PIK3C2A: variants seen among roughly 807,000 people sequenced by gnomAD.
The protein encoded by PIK3C2A is phosphatidylinositol-4-phosphate 3-kinase catalytic subunit type 2 alpha, also known as phosphatidylinositol 4-phosphate 3-kinase C2 domain-containing subunit alpha.
A neutral mutation model predicts 204.5 loss-of-function variants in PIK3C2A; 97 were observed. The observed-to-expected ratio is 0.47, with a 90% CI of 0.40 to 0.56. The LOEUF (loss-of-function observed/expected upper bound fraction) is 0.56. Ranked by LOEUF, PIK3C2A falls within the 20% of genes least tolerant of loss-of-function variation. PIK3C2A has a pLI of 0.00. For missense variants in PIK3C2A, 1,735 were observed against 1,969.2 expected (o/e 0.88, Z 2.25); for synonymous variants, 653 against 664.4 (o/e 0.98, Z 0.26).
At position 17,200,999 on chromosome 11, in the gene PIK3C2A, A is replaced by G. The variant is rs532739145; in HGVS notation, c.-66+6849T>C. On this transcript the variant is annotated intron_variant, in intron 1 of 32. Transcript: ENST00000691414. Reference sequence around the variant, plus strand: ...TGTGGGCGGATCACTTCAGGTCAGGAGTTCAAGACCAGCCTGGCCAACATG... The same window carrying G: ...TGTGGGCGGATCACTTCAGGTCAGGGGTTCAAGACCAGCCTGGCCAACATG... 2.7e-5 allele frequency among the ~76,000 whole-genome samples: 4 copies of G among 150,508 alleles called. No homozygotes were observed. The South Asian group carries it at 8.3e-4, about 31-fold the overall frequency.
chr11:17,181,659 TACACAC>T (rs71047535), intron 1 of PIK3C2A, among the ~76,000 whole-genome samples: 10 of 113,144 alleles, frequency 8.8e-5, no homozygotes, highest in South Asian at 3.0e-4. Context: ...TATATATATA[TACACAC>T]ACACACACAC....
At chr11:17,099,561 A>AG (rs1848555353) in intron 26 of PIK3C2A, among the ~76,000 whole-genome samples, 1 of 152,228 alleles carries the variant, frequency 6.6e-6, no homozygotes, top group African/African-American at 2.4e-5. Flanking sequence ...AAAAAATTAA[A>AG]AAAGATTTTA....
intron 27 of PIK3C2A, among the ~76,000 whole-genome samples, chr11:17,094,778 T>C (rs1286330375): frequency 6.6e-6 from 1 of 152,152 alleles, no homozygotes; most frequent in Non-Finnish European, 1.5e-5. Flanking sequence ...CAAAAAAACC[T>C]CCTTTCCTGA....
Position 17,122,815 on chromosome 11 carries a change from T to G in PIK3C2A, c.2400-2A>C. The G allele has an allele frequency of 8.9e-7, 1 of 1,126,590 alleles. No individual in the cohort carries two copies. Among genetic ancestry groups the G allele is most frequent in the African/African-American group, 1.6e-5 (1 of 64,032 alleles). 69.8% of individuals were successfully genotyped at this position (1,126,590 alleles called of 1,614,324 possible). ...AGTTTAGTTCCACATGTTAAAAACC[T>G]TCACGGATGTAAAAATAATAATGTG... On this transcript the variant is annotated splice_acceptor_variant, in intron 13 of 32. Transcript: ENST00000691414. LOFTEE classifies it high-confidence loss of function.
At chr11:17,138,199 AT>A in intron 8 of PIK3C2A, 7 of 961,250 alleles carry the variant, frequency 7.3e-6, no homozygotes, top group Non-Finnish European at 1.1e-5. Flanking sequence ...CCACATGCAG[AT>A]TTTGGTGCTT....
chr11:17,193,441 T>C (rs1852008368), intron 1 of PIK3C2A: 5 of 346,416 alleles, frequency 1.4e-5, no homozygotes, highest in Non-Finnish European at 2.8e-5. Context: ...TTGCTGAATA[T>C]AGCTTCCGGT....
At chr11:17,102,593 C>G in intron 24 of PIK3C2A, 69 bp downstream of exon 24, 1 of 1,322,716 alleles carries the variant, frequency 7.6e-7, no homozygotes, top group Non-Finnish European at 1.1e-6. Flanking sequence ...AAACACAAAG[C>G]TTGAGACAAA....
At chr11:17,123,454 TC>T (rs1425891888) in intron 13 of PIK3C2A, among the ~76,000 whole-genome samples, 4 of 150,560 alleles carry the variant, frequency 2.7e-5, no homozygotes. Context: ...AGAAGGGGTT[TC>T]GCCATGTTGC....
chr11:17,172,230 C>T (rs1851196548), intron 1 of PIK3C2A, among the ~76,000 whole-genome samples: 1 of 152,184 alleles, frequency 6.6e-6, no homozygotes, highest in Non-Finnish European at 1.5e-5. Context: ...GGCCTTATGA[C>T]TTGGCTTTTA....
At chr11:17,112,122 T>C (rs918264355) in intron 21 of PIK3C2A, among the ~76,000 whole-genome samples, 1 of 152,104 alleles carries the variant, frequency 6.6e-6, no homozygotes, top group African/African-American at 2.4e-5. Flanking sequence ...AAATTCTTCA[T>C]CCTGTCTTCA....
At chr11:17,140,259 GATAAAATAAACAACA>G (rs1043442234) in intron 8 of PIK3C2A, among the ~76,000 whole-genome samples, 3 of 151,446 alleles carry the variant, frequency 2.0e-5, no homozygotes, top group African/African-American at 7.3e-5. Context: ...CTTTAAAAAA[GATAAAATAAACAACA>G]ATAAAAAAAA....
chr11:17,136,688 C>T (rs553320625), intron 8 of PIK3C2A, 63 bp from the exon 9 acceptor site: 85 of 887,198 alleles, frequency 9.6e-5, no homozygotes, highest in Non-Finnish European at 1.3e-4. Context: ...ATTCCAGAGA[C>T]GAAGTCAGAA....
intron 27 of PIK3C2A, among the ~76,000 whole-genome samples, chr11:17,095,587 T>C (rs2137270324): frequency 1.3e-5 from 2 of 150,192 alleles, no homozygotes; most frequent in African/African-American, 4.9e-5. Context: ...CAAGACTCCG[T>C]CTCAAAAAAA....
At chr11:17,146,792 T>C (rs945334947) in intron 6 of PIK3C2A, among the ~76,000 whole-genome samples, 1 of 151,950 alleles carries the variant, frequency 6.6e-6, no homozygotes, top group Non-Finnish European at 1.5e-5. Context: ...TGCTAAAATG[T>C]ACCAAATTTT....
intron 1 of PIK3C2A, among the ~76,000 whole-genome samples, chr11:17,205,559 T>C (rs1852541264): frequency 6.6e-6 from 1 of 151,658 alleles, no homozygotes; most frequent in Non-Finnish European, 1.5e-5. Flanking sequence ...CTACTGCTGC[T>C]CTGATGCTCT....
chr11:17,174,445 T>G (rs1851275474), intron 1 of PIK3C2A, among the ~76,000 whole-genome samples: 1 of 82,138 alleles, frequency 1.2e-5, no homozygotes, highest in Non-Finnish European at 2.3e-5. Context: ...TACAAAAAAA[T>G]TAGCCGGGCG....
At chr11:17,102,952 GCATA>G (rs1848690398) in intron 23 of PIK3C2A, 121 bp from the exon 24 acceptor site, 5 of 615,188 alleles carry the variant, frequency 8.1e-6, no homozygotes, top group Non-Finnish European at 1.4e-5. Context: ...TCTCTCAATA[GCATA>G]CAAACTGGGA....
At chr11:17,123,410 A>C (rs1280894744) in intron 13 of PIK3C2A, among the ~76,000 whole-genome samples, 2 of 148,222 alleles carry the variant, frequency 1.3e-5, no homozygotes, top group South Asian at 2.1e-4. Flanking sequence ...CACCATGCTC[A>C]GCTAATTCTT....
chr11:17,101,578 A>G (rs1848622698), intron 24 of PIK3C2A, 144 bp from the exon 25 acceptor site: 2 of 421,620 alleles, frequency 4.7e-6, no homozygotes, highest in Admixed American at 4.1e-5. Context: ...AATTTCCATA[A>G]TTTTAAAATA....
Sources: allele counts gnomAD v4.1 joint callset (sites outside exome capture counted in the v4.1 genomes callset), GRCh38; gene constraint gnomAD v4.1.1; transcripts MANE v1.5; gene names NCBI Gene and HGNC (gene_info 2026-07-23, HGNC 2026-07-21).